Variants in RBFOX1 observed in about 807,000 individuals in gnomAD.
RBFOX1 encodes the protein RNA binding protein fox-1 homolog 1.
RBFOX1 carries 8 observed loss-of-function variants against 57.7 expected under a neutral mutation model. The observed-to-expected ratio is 0.14, with a 90% confidence interval of 0.08 to 0.25. The LOEUF (loss-of-function observed/expected upper bound fraction) is 0.25. Ranked by LOEUF, RBFOX1 falls within the 10% of genes least tolerant of loss-of-function variation. RBFOX1 has a pLI of 1.00. For synonymous variants in RBFOX1, 326 were observed against 222.4 expected (o/e 1.47, Z -4.15); for missense variants, 611 against 548.5 (o/e 1.11, Z -1.14).
At chr16:6,396,956 G>T (rs1033370026) in intron 2 of RBFOX1, among the ~76,000 whole-genome samples, 1 of 152,056 alleles carries the variant, frequency 6.6e-6, no homozygotes, top group Non-Finnish European at 1.5e-5. Context: ...ACAGGAGAAT[G>T]GGGACAGCAC....
chr16:6,795,906 T>C (rs1238500907), intron 3 of RBFOX1, among the ~76,000 whole-genome samples: 1 of 152,166 alleles, frequency 6.6e-6, no homozygotes, highest in Non-Finnish European at 1.5e-5. Flanking sequence ...TCTTATGTTT[T>C]TATTGTGTTT....
chr16:6,205,748 T>C (rs1327689491), intron 1 of RBFOX1, among the ~76,000 whole-genome samples: 1 of 152,044 alleles, frequency 6.6e-6, no homozygotes, highest in African/African-American at 2.4e-5. Flanking sequence ...TGTTTGGTTA[T>C]TCTATTTCTA....
chr16:7,171,146 T>G (rs943701204), intron 4 of RBFOX1, among the ~76,000 whole-genome samples: 1 of 152,228 alleles, frequency 6.6e-6, no homozygotes, highest in Admixed American at 6.5e-5. Flanking sequence ...AGGCCTTACT[T>G]GCCACCATTG....
intron 4 of RBFOX1, among the ~76,000 whole-genome samples, chr16:7,108,560 C>T (rs1335892605): frequency 6.6e-6 from 1 of 151,966 alleles, no homozygotes; most frequent in Non-Finnish European, 1.5e-5. Context: ...CTGTATGTGC[C>T]TGTAATTGTT....
intron 8 of RBFOX1, among the ~76,000 whole-genome samples, chr16:7,596,997 A>G (rs779780345): frequency 2.6e-5 from 4 of 151,990 alleles, no homozygotes; most frequent in Non-Finnish European, 5.9e-5. Context: ...TCTCCACTGC[A>G]TGCTCCTTCA....
intron 4 of RBFOX1, among the ~76,000 whole-genome samples, chr16:6,001,834 C>G (rs914854585): frequency 9.9e-5 from 15 of 152,160 alleles, no homozygotes; most frequent in Non-Finnish European, 2.9e-5. Context: ...ATAAGCCAAA[C>G]TGGAATATCC....
chr16:6,422,409 C>T (rs1267100477), intron 2 of RBFOX1, among the ~76,000 whole-genome samples: 1 of 152,068 alleles, frequency 6.6e-6, no homozygotes. Context: ...TGTCTTTCCC[C>T]TCCAGTGGCC....
intron 3 of RBFOX1, among the ~76,000 whole-genome samples, chr16:6,878,931 T>C (rs958881355): frequency 3.3e-5 from 5 of 152,192 alleles, no homozygotes; most frequent in South Asian, 2.1e-4. Flanking sequence ...GGATTTTTTT[T>C]CCCCTATGTT....
intron 4 of RBFOX1, among the ~76,000 whole-genome samples, chr16:7,076,162 C>A (rs1462219400): frequency 6.6e-6 from 1 of 151,916 alleles, no homozygotes; most frequent in East Asian, 2.0e-4. Context: ...CTGCCTCAGC[C>A]TCTCGAGTAC....
At chr16:5,905,780 G>C (rs986591395) in intron 4 of RBFOX1, among the ~76,000 whole-genome samples, 71 of 152,168 alleles carry the variant, frequency 4.7e-4, no homozygotes, top group Non-Finnish European at 1.0e-4. Context: ...CTTGATCTCA[G>C]GCTTCCATCC....
Position 5,366,612 on chromosome 16 carries a change from C to G in RBFOX1, c.220-100604C>G, listed in dbSNP as rs1567396067. 3.2e-5 allele frequency: 13 copies of G among 402,588 alleles called. 1 individual carries two copies. Among genetic ancestry groups the G allele is most frequent in the Non-Finnish European group, 5.2e-5 (11 of 211,548 alleles). The allele number at this position is 402,588 out of a possible 1,614,324, so 24.9% of individuals were successfully genotyped here. On this transcript the variant is annotated intron_variant, in intron 1 of 2. Transcript: ENST00000585867. ...TTCCCAGAGAGGAAGCAAAGTTCAT[C>G]AATTATGTGAAGAATTGCTTCTGGA...
intron 4 of RBFOX1, among the ~76,000 whole-genome samples, chr16:7,214,690 C>G (rs576380750): frequency 2.0e-5 from 3 of 152,066 alleles, no homozygotes; most frequent in African/African-American, 7.2e-5. Context: ...ATCCAGAACC[C>G]TTCACACAGG....
intron 3 of RBFOX1, among the ~76,000 whole-genome samples, chr16:6,654,982 A>G (rs1222201961): frequency 4.2e-5 from 4 of 95,534 alleles, no homozygotes; most frequent in South Asian, 3.9e-4. Flanking sequence ...CATTGTGTGT[A>G]TCATATGTAT....
chr16:7,689,736 C>G (rs1341950095), intron 14 of RBFOX1, among the ~76,000 whole-genome samples: 1 of 151,876 alleles, frequency 6.6e-6, no homozygotes, highest in Non-Finnish European at 1.5e-5. Flanking sequence ...AAAACCCAAG[C>G]AAGGATGATC....
intron 4 of RBFOX1, among the ~76,000 whole-genome samples, chr16:6,006,919 A>G (rs1476029338): frequency 3.9e-5 from 6 of 152,096 alleles, no homozygotes; most frequent in African/African-American, 1.2e-4. Flanking sequence ...TTCTCTCCCC[A>G]TATTTTTTCT....
intron 4 of RBFOX1, among the ~76,000 whole-genome samples, chr16:5,926,316 G>A (rs2058939797): frequency 6.6e-6 from 1 of 152,168 alleles, no homozygotes; most frequent in Non-Finnish European, 1.5e-5. Flanking sequence ...TGTAAAATTG[G>A]TATATTGGAG....
chr16:7,283,238 C>G (rs1013046807), intron 4 of RBFOX1, among the ~76,000 whole-genome samples: 2 of 151,850 alleles, frequency 1.3e-5, no homozygotes, highest in African/African-American at 4.8e-5. Flanking sequence ...GCTTGTCTCT[C>G]TCTGTTCGTT....
chr16:7,012,426 A>G (rs1439077068), intron 3 of RBFOX1, among the ~76,000 whole-genome samples: 2 of 152,186 alleles, frequency 1.3e-5, no homozygotes, highest in African/African-American at 4.8e-5. Context: ...TGGGTGTGTC[A>G]TAGGCAAGGA....
At chr16:6,956,639 C>A (rs191425258) in intron 3 of RBFOX1, among the ~76,000 whole-genome samples, 1 of 152,190 alleles carries the variant, frequency 6.6e-6, no homozygotes, top group African/African-American at 2.4e-5. Flanking sequence ...CTTCTTGTGC[C>A]TGCTATTTGT....
Sources: gnomAD v4.1 joint callset for allele counts (sites outside exome capture counted in the v4.1 genomes callset) on GRCh38, gnomAD v4.1.1 for gene constraint, MANE v1.5 for transcripts, NCBI Gene and HGNC (gene_info 2026-07-23, HGNC 2026-07-21) for gene names.